The following SNX29 variants were observed in gnomAD, a reference collection of about 807,000 sequenced individuals.
The protein encoded by SNX29 is sorting nexin-29.
Under a neutral mutation model 102.1 loss-of-function variants are expected in SNX29, and 78 were observed. The ratio of observed to expected loss-of-function variants is 0.76; its 90% confidence interval spans 0.64 to 0.92. The LOEUF (loss-of-function observed/expected upper bound fraction) is 0.92. SNX29 is among the 40% of genes least tolerant of loss of function. The pLI is 0.00. For missense variants in SNX29, 1,280 were observed against 1,061.7 expected (o/e 1.21, Z -2.86); for synonymous variants, 580 against 414.5 (o/e 1.40, Z -4.85).
rs1440708425 is a variant in SNX29, at chr16:12,483,340, C to T, written c.2178+5481C>T. Among the ~76,000 whole-genome samples, 4 of 131,200 alleles carry T rather than the reference C, an allele frequency of 3.0e-5. No homozygotes were observed. The East Asian group carries it at 6.3e-4, about 21-fold the overall frequency. The allele number at this position is 131,200 out of a possible 152,430, so 86.1% of individuals were successfully genotyped here. ...TTTTCTTTTTTTTTTTTTTTCCAGA[C>T]GGAGTCTTGCTCTATCACCCAGGCT... On this transcript the variant is annotated intron_variant, in intron 19 of 20. Transcript: ENST00000566228.
intron 18 of SNX29, chr16:12,442,887 C>A: frequency 2.5e-6 from 1 of 404,372 alleles, no homozygotes; most frequent in South Asian, 1.9e-5. Context: ...GCCACCATAC[C>A]TGGCTGTGTT....
chr16:12,188,074 C>G (rs916096986), intron 13 of SNX29, among the ~76,000 whole-genome samples: 1 of 152,160 alleles, frequency 6.6e-6, no homozygotes, highest in African/African-American at 2.4e-5. Flanking sequence ...CTAGTCCTCA[C>G]TCCCTAGGAG....
At chr16:12,104,755 CTT>C (rs1477186787) in intron 11 of SNX29, among the ~76,000 whole-genome samples, 5 of 152,192 alleles carry the variant, frequency 3.3e-5, no homozygotes, top group Admixed American at 6.5e-5. Flanking sequence ...CTGGAAACCT[CTT>C]GTTATGTTTA....
chr16:12,389,734 G>C (rs972059507), intron 16 of SNX29, among the ~76,000 whole-genome samples: 1 of 152,122 alleles, frequency 6.6e-6, no homozygotes, highest in Non-Finnish European at 1.5e-5. Flanking sequence ...CCTCATAGGA[G>C]AACACAGGGA....
At chr16:12,308,501 C>A (rs910502385) in intron 15 of SNX29, among the ~76,000 whole-genome samples, 2 of 152,172 alleles carry the variant, frequency 1.3e-5, no homozygotes, top group Non-Finnish European at 2.9e-5. Context: ...ATCCTCAGGT[C>A]ACTCATGCCA....
chr16:12,138,756 A>T (rs950282706), intron 13 of SNX29, among the ~76,000 whole-genome samples: 2 of 152,124 alleles, frequency 1.3e-5, no homozygotes, highest in Non-Finnish European at 2.9e-5. Flanking sequence ...TTTCACTAGA[A>T]GAAGAGTTGC....
At chr16:12,390,500 C>G (rs1325524348) in intron 16 of SNX29, among the ~76,000 whole-genome samples, 1 of 152,132 alleles carries the variant, frequency 6.6e-6, no homozygotes. Flanking sequence ...CCGGGACTTC[C>G]TCTCCCCCTG....
At chr16:12,319,725 C>G (rs1433961126) in intron 15 of SNX29, among the ~76,000 whole-genome samples, 3 of 152,114 alleles carry the variant, frequency 2.0e-5, no homozygotes, top group African/African-American at 4.8e-5. Context: ...GTAGTGTGCT[C>G]TGGGCTCTGT....
rs375775440 is a variant in SNX29 at position 12,379,346 on chromosome 16, T to C, written c.1900-19100T>C. On this transcript the variant is annotated intron_variant, in intron 16 of 20. Transcript: ENST00000566228. ...TATGTTGCCCAGGTTGATCTTTAACTCCTGGGCTTAAGCGATCTACCTGCC... is the reference window on the plus strand; with the variant it reads ...TATGTTGCCCAGGTTGATCTTTAACCCCTGGGCTTAAGCGATCTACCTGCC... 9.7e-4 allele frequency among the ~76,000 whole-genome samples: 148 copies of C among 152,306 alleles called. 1 individual carries two copies. Among genetic ancestry groups the C allele is most frequent in the African/African-American group, 3.4e-3 (141 of 41,562 alleles).
chr16:12,117,853 T>C (rs566349184), intron 11 of SNX29, among the ~76,000 whole-genome samples: 1 of 152,266 alleles, frequency 6.6e-6, no homozygotes, highest in African/African-American at 2.4e-5. Flanking sequence ...CCCAGCACTT[T>C]GAGAGGCTGA....
At chr16:12,219,255 C>T (rs988396473) in intron 14 of SNX29, among the ~76,000 whole-genome samples, 3 of 150,190 alleles carry the variant, frequency 2.0e-5, no homozygotes, top group East Asian at 1.9e-4. Flanking sequence ...TGATCTACAT[C>T]ATCTTTTTTT....
In SNX29 at chr16:12,118,476, T is replaced by G. The variant is rs144079935; in HGVS notation, c.1403-8157T>G. ...CTGGGATTACAGGTGCCTGCCACCA[T>G]GCCCGGCTGATTTTTGTGTTTTTAG... On this transcript the variant is annotated intron_variant, in intron 11 of 20. Transcript: ENST00000566228. Among the ~76,000 whole-genome samples, 15 of 151,860 alleles carry G rather than the reference T, an allele frequency of 9.9e-5. No homozygotes were observed. The East Asian group carries it at 2.9e-3, about 30-fold the overall frequency.
intron 19 of SNX29, among the ~76,000 whole-genome samples, chr16:12,516,898 G>A (rs897507783): frequency 3.2e-4 from 49 of 152,246 alleles, no homozygotes; most frequent in African/African-American, 1.1e-3. Context: ...CAGGAGCCTC[G>A]TTGTCTTGTT....
At chr16:12,217,059 C>T (rs1266019036) in intron 14 of SNX29, among the ~76,000 whole-genome samples, 1 of 152,150 alleles carries the variant, frequency 6.6e-6, no homozygotes, top group Non-Finnish European at 1.5e-5. Flanking sequence ...GACAGGGTGT[C>T]CCTTCATTGC....
intron 18 of SNX29, among the ~76,000 whole-genome samples, chr16:12,434,654 G>A (rs370461048): frequency 6.6e-6 from 1 of 152,020 alleles, no homozygotes; most frequent in Non-Finnish European, 1.5e-5. Context: ...CTAGGGACCC[G>A]CCAACACCCC....
At chr16:12,259,330 G>A (rs9921728) in intron 14 of SNX29, among the ~76,000 whole-genome samples, 83,752 of 152,040 alleles carry the variant, frequency 0.55, 23,440 homozygotes, top group Middle Eastern at 0.61. Context: ...GTTCTACCCC[G>A]TCTTTGAGAG....
rs142491405 is a variant in SNX29 at position 12,544,678 on chromosome 16, G to T, written c.2318+19837G>T. Among the ~76,000 whole-genome samples, 5 of 152,196 alleles carry T rather than the reference G, an allele frequency of 3.3e-5. 1 individual carries two copies. Among genetic ancestry groups the T allele is most frequent in the Admixed American group, 2.0e-4 (3 of 15,280 alleles). On this transcript the variant is annotated intron_variant, in intron 20 of 20. Transcript: ENST00000566228. ...TACTTCTCATGAAGCCTTTGAGAGC[G>T]CTGTCACTCGAATTCTCTTCCTCCA...
chr16:12,255,917 T>C (rs1278808907), intron 14 of SNX29, among the ~76,000 whole-genome samples: 3 of 152,230 alleles, frequency 2.0e-5, no homozygotes, highest in Non-Finnish European at 4.4e-5. Flanking sequence ...CTGGATCATA[T>C]GGCAGCTCTA....
intron 13 of SNX29, among the ~76,000 whole-genome samples, chr16:12,194,622 GTTTTTTT>G (rs34250906): frequency 7.7e-6 from 1 of 129,164 alleles, no homozygotes; most frequent in African/African-American, 2.9e-5. Context: ...GGGGTGGGTA[GTTTTTTT>G]TTTTTTTTTT....
Sources: gnomAD v4.1 joint callset for allele counts (sites outside exome capture counted in the v4.1 genomes callset) on GRCh38, gnomAD v4.1.1 for gene constraint, MANE v1.5 for transcripts, NCBI Gene and HGNC (gene_info 2026-07-23, HGNC 2026-07-21) for gene names.